Variants in PARD3 observed in about 807,000 individuals in gnomAD.
PARD3 encodes the protein par-3 family cell polarity regulator, also known as partitioning defective 3 homolog.
In PARD3, 75 loss-of-function variants were observed where a neutral mutation model predicts 155.4. That is an observed-to-expected ratio of 0.48 (90% CI 0.40 to 0.58). The LOEUF (loss-of-function observed/expected upper bound fraction) is 0.58, where lower values mean the gene tolerates loss of function less well. PARD3 is among the 20% of genes least tolerant of loss of function. The pLI is 0.00. For synonymous variants in PARD3, 576 were observed against 610.5 expected (o/e 0.94, Z 0.83); for missense variants, 1,642 against 1,721.7 (o/e 0.95, Z 0.82).
chr10:34,349,961 C>T (rs903085750), intron 14 of PARD3, among the ~76,000 whole-genome samples: 5 of 152,022 alleles, frequency 3.3e-5, no homozygotes, highest in South Asian at 2.1e-4. Context: ...AACAGTAAGA[C>T]GTCTGTTCAG....
intron 5 of PARD3, among the ~76,000 whole-genome samples, chr10:34,446,516 T>C (rs574864556): frequency 3.9e-5 from 6 of 152,254 alleles, no homozygotes; most frequent in South Asian, 2.1e-4. Context: ...ATCTCATATA[T>C]GGTAAACAGC....
chr10:34,227,855 T>TA (rs55842134), intron 22 of PARD3, among the ~76,000 whole-genome samples: 22,474 of 82,676 alleles, frequency 0.27, 3,311 homozygotes, highest in Middle Eastern at 0.39. Context: ...GGAATTATTT[T>TA]TTATATATAT....
chr10:34,414,065 A>T (rs1034784261), intron 5 of PARD3, among the ~76,000 whole-genome samples: 12 of 152,152 alleles, frequency 7.9e-5, no homozygotes, highest in African/African-American at 2.4e-4. Flanking sequence ...GGGAGTGGTA[A>T]CACGTGCCTA....
intron 1 of PARD3, among the ~76,000 whole-genome samples, chr10:34,799,383 G>C (rs73262996): frequency 1.3e-5 from 2 of 151,990 alleles, no homozygotes; most frequent in Admixed American, 6.6e-5. Context: ...AATGGGCCCC[G>C]AGATTGTACA....
chr10:34,274,166 G>C (rs981464288), intron 21 of PARD3, among the ~76,000 whole-genome samples: 1 of 152,122 alleles, frequency 6.6e-6, no homozygotes, highest in Non-Finnish European at 1.5e-5. Context: ...CTAGATCCTA[G>C]TAACTCTAAG....
intron 2 of PARD3, among the ~76,000 whole-genome samples, chr10:34,623,224 G>T (rs1397233407): frequency 6.6e-6 from 1 of 152,108 alleles, no homozygotes; most frequent in Non-Finnish European, 1.5e-5. Flanking sequence ...TACAAGAGAA[G>T]CCCAGGAACA....
At chr10:34,431,757 AAAAAAAAAAAT>A in intron 5 of PARD3, among the ~76,000 whole-genome samples, 1 of 134,258 alleles carries the variant, frequency 7.4e-6, no homozygotes, top group African/African-American at 2.6e-5. Context: ...AAAAAAAAAA[AAAAAAAAAAAT>A]GCCGGGTATG....
At chr10:34,206,539 T>C (rs1311180350) in intron 22 of PARD3, among the ~76,000 whole-genome samples, 3 of 152,188 alleles carry the variant, frequency 2.0e-5, no homozygotes, top group South Asian at 2.1e-4. Context: ...CAGTCGGTGA[T>C]AGAAGGAAAC....
At chr10:34,583,283 C>T (rs2134276822) in intron 2 of PARD3, among the ~76,000 whole-genome samples, 1 of 152,026 alleles carries the variant, frequency 6.6e-6, no homozygotes, top group Non-Finnish European at 1.5e-5. Context: ...CAACAAAACA[C>T]CAGGAAGAAA....
chr10:34,514,799 A>T (rs141587222), intron 3 of PARD3, among the ~76,000 whole-genome samples: 13 of 152,378 alleles, frequency 8.5e-5, no homozygotes, highest in African/African-American at 2.6e-4. Context: ...TTGAGTCCAG[A>T]GGAGTCAAAA....
At chr10:34,613,292 GCTTT>G (rs2091037350) in intron 2 of PARD3, among the ~76,000 whole-genome samples, 1 of 152,094 alleles carries the variant, frequency 6.6e-6, no homozygotes, top group African/African-American at 2.4e-5. Context: ...CTGACCACCT[GCTTT>G]CTTTTTGATT....
chr10:34,139,047 A>G (rs2132847024), intron 22 of PARD3, among the ~76,000 whole-genome samples: 1 of 152,264 alleles, frequency 6.6e-6, no homozygotes, highest in Non-Finnish European at 1.5e-5. Flanking sequence ...ACAGGGCAGA[A>G]AAAAATTCTA....
rs560988956 is a variant in PARD3, at chr10:34,597,052, A to C, written c.223-79893T>G. On this transcript the variant is annotated intron_variant, in intron 2 of 24. Transcript: ENST00000374788. The stretch of plus-strand genomic sequence containing the variant: ...CAGAAGGTTCTAGGCTCCTATCAGA[A>C]TGGTCAAGGAAAAGATTCTGGGTGT... 1.1e-4 allele frequency among the ~76,000 whole-genome samples: 17 copies of C among 152,310 alleles called. No homozygotes were observed. The Middle Eastern group carries it at 0.024, about 213-fold the overall frequency.
chr10:34,238,128 C>T lies in PARD3; in HGVS notation c.3419+31529G>A, dbSNP rs535315533. On this transcript the variant is annotated intron_variant, in intron 22 of 24. Coordinates refer to ENST00000374788, the MANE Select transcript of PARD3 (RefSeq NM_001184785.2). The stretch of plus-strand genomic sequence containing the variant: ...AAATAAATGCATATTCAGATGTTTC[C>T]CAAAGATGCTTTCCTTCTCTTTCAG... 2.0e-3 allele frequency among the ~76,000 whole-genome samples: 305 copies of T among 152,226 alleles called. 2 individuals carry two copies. The highest frequency in any genetic ancestry group is 6.8e-3 in the Middle Eastern group (2 of 294).
intron 2 of PARD3, among the ~76,000 whole-genome samples, chr10:34,669,151 C>G (rs957583775): frequency 1.3e-5 from 2 of 152,126 alleles, no homozygotes; most frequent in African/African-American, 4.8e-5. Flanking sequence ...CAAAAAGATA[C>G]CTGCACTCAT....
chr10:34,473,358 T>C (rs1163599149), intron 3 of PARD3, among the ~76,000 whole-genome samples: 2 of 152,110 alleles, frequency 1.3e-5, no homozygotes, highest in African/African-American at 4.8e-5. Flanking sequence ...TAGATTTGAT[T>C]ACCACGCTGA....
chr10:34,564,788 T>C (rs746382807), intron 2 of PARD3, among the ~76,000 whole-genome samples: 15 of 152,334 alleles, frequency 9.8e-5, no homozygotes, highest in Non-Finnish European at 1.6e-4. Flanking sequence ...TTTGTGAAAA[T>C]AGTAACCACA....
rs145203998 is a variant in PARD3 at position 34,794,621 on chromosome 10, G to A, written c.120+20255C>T. ...ACAGTATATTCCCATAAAGAAATGAGTGGAACCACCACTTTGAACCTCTTA... is the reference window on the plus strand; with the variant it reads ...ACAGTATATTCCCATAAAGAAATGAATGGAACCACCACTTTGAACCTCTTA... On this transcript the variant is annotated intron_variant, in intron 1 of 24. Transcript: ENST00000374788. 3.0e-3 allele frequency among the ~76,000 whole-genome samples: 459 copies of A among 152,308 alleles called. 3 individuals are homozygous for A. Among genetic ancestry groups the A allele is most frequent in the Middle Eastern group, 0.017 (5 of 294 alleles).
At chr10:34,722,271 T>G (rs1372584429) in intron 1 of PARD3, among the ~76,000 whole-genome samples, 4 of 152,102 alleles carry the variant, frequency 2.6e-5, no homozygotes, top group Admixed American at 2.6e-4. Context: ...AGACTGTTTA[T>G]CTATGTATAT....
Sources: allele counts gnomAD v4.1 joint callset (sites outside exome capture counted in the v4.1 genomes callset), GRCh38; gene constraint gnomAD v4.1.1; transcripts MANE v1.5; gene names NCBI Gene and HGNC (gene_info 2026-07-23, HGNC 2026-07-21).